Variants in MYH14 observed in about 807,000 individuals in gnomAD.
The protein encoded by MYH14 is myosin-14.
Under a neutral mutation model 255.5 loss-of-function variants are expected in MYH14, and 123 were observed. That is an observed-to-expected ratio of 0.48 (90% confidence interval 0.42 to 0.56). The LOEUF is 0.56. Ranked by LOEUF, MYH14 falls within the 20% of genes least tolerant of loss-of-function variation. The pLI is 0.00. For synonymous variants in MYH14, 1,095 were observed against 1,161.2 expected, an observed-to-expected ratio of 0.94 and a Z score of 1.16; for missense variants, 2,423 against 2,802.3, an observed-to-expected ratio of 0.86 and a Z score of 3.06.
chr19:50,302,879 C>T (rs1246532048), intron 40 of MYH14, among the ~76,000 whole-genome samples: 1 of 149,926 alleles, frequency 6.7e-6, no homozygotes, highest in Admixed American at 6.7e-5. Context: ...TCCAGCTTAG[C>T]AACAAGAGTG....
intron 27 of MYH14, among the ~76,000 whole-genome samples, chr19:50,275,593 G>T (rs888755159): frequency 6.6e-6 from 1 of 152,194 alleles, no homozygotes; most frequent in African/African-American, 2.4e-5. Flanking sequence ...TTGTAAGGCC[G>T]AGGTGGGAGG....
chr19:50,276,669 C>T lies in MYH14; in HGVS notation c.3681-88C>T. ...ATGAGGCCCTCATATTTTAAGGAAA[C>T]ATGAAAAGGAGAAACAACCAGCTCC... On this transcript the variant is annotated intron_variant, in intron 28 of 42. Coordinates refer to ENST00000642316, the MANE Select transcript of MYH14 (RefSeq NM_001145809.2). This position sits in a 1 kb window ranked among gnomAD's most constrained non-coding sequence, Gnocchi z 4.3. 1 of 1,545,178 alleles carries T rather than the reference C, an allele frequency of 6.5e-7. No homozygotes were observed. Among genetic ancestry groups the T allele is most frequent in the Non-Finnish European group, 8.9e-7 (1 of 1,121,488 alleles).
chr19:50,247,724 T>G (rs1178611101), intron 12 of MYH14, among the ~76,000 whole-genome samples: 2 of 150,900 alleles, frequency 1.3e-5, no homozygotes, highest in African/African-American at 2.4e-5. Context: ...GAACCGCAAG[T>G]GTAAAGGCCC....
chr19:50,298,493 C>T (rs993267883), intron 39 of MYH14, among the ~76,000 whole-genome samples: 2 of 151,942 alleles, frequency 1.3e-5, no homozygotes, highest in Non-Finnish European at 2.9e-5. Flanking sequence ...AGGCCAAGCG[C>T]GGTGGCTCAC....
Position 50,223,292 on chromosome 19 carries a change from C to T in MYH14, c.636C>T (p.Ile212=), listed in dbSNP as rs756798429. 9 of 1,607,302 alleles carry T rather than the reference C, an allele frequency of 5.6e-6. No homozygotes were observed. In the Admixed American group the frequency reaches 1.4e-4, roughly 24 times the overall value. The change falls in exon 5 of 43, where the codon ATC becomes ATT. Residue 212 remains isoleucine (I), a synonymous_variant. Transcript: ENST00000642316. ...AGKTENTKKV[I]QYLAHVASSP... ...AGACGGAAAACACCAAGAAGGTCAT[C>T]CAGTACCTCGCCCACGTGGCGTCGT...
chr19:50,249,263 CCCCCCTCTCTCTGGTCTCTGT>C (rs1284130407), intron 13 of MYH14, 124 bp downstream of exon 13: 232 of 1,165,822 alleles, frequency 2.0e-4, no homozygotes, highest in Middle Eastern at 4.0e-4. Flanking sequence ...AGTCTCTGTT[CCCCCCTCTCTCTGGTCTCTGT>C]CCCCCTCTCT....
At chr19:50,224,385 A>C (rs138153369) in intron 6 of MYH14, among the ~76,000 whole-genome samples, 1 of 152,126 alleles carries the variant, frequency 6.6e-6, no homozygotes, top group Admixed American at 6.6e-5. Context: ...AATCCAGAGA[A>C]CAAAACTGCC....
chr19:50,240,354 G>C (rs1568488527), intron 10 of MYH14, among the ~76,000 whole-genome samples: 2 of 152,202 alleles, frequency 1.3e-5, no homozygotes, highest in Admixed American at 1.3e-4. Flanking sequence ...TGAGTTAGGA[G>C]AATCGCTTGA....
chr19:50,225,736 A>C, intron 7 of MYH14, 59 bp downstream of exon 7: 4 of 1,271,112 alleles, frequency 3.1e-6, no homozygotes, highest in Non-Finnish European at 4.4e-6. Flanking sequence ...TGGGAACCTC[A>C]GGGTGGGCTT....
At chr19:50,294,296 C>A (rs1343690266) in intron 39 of MYH14, among the ~76,000 whole-genome samples, 6 of 151,152 alleles carry the variant, frequency 4.0e-5, no homozygotes, top group African/African-American at 1.2e-4. Context: ...AGGATAGAGG[C>A]CATCAGAGAA....
At chr19:50,304,969 GA>G (rs2123487251) in intron 40 of MYH14, among the ~76,000 whole-genome samples, 1 of 152,228 alleles carries the variant, frequency 6.6e-6, no homozygotes, top group East Asian at 1.9e-4. Context: ...TTGGTTCTGA[GA>G]GTCTGGGACC....
rs1213625143 is a variant in MYH14 at position 50,252,563 on chromosome 19, C to A, written c.1831-76C>A. On this transcript the variant is annotated intron_variant, in intron 15 of 42. Coordinates refer to ENST00000642316, the MANE Select transcript of MYH14 (RefSeq NM_001145809.2). This position sits in a 1 kb window ranked among gnomAD's most constrained non-coding sequence, Gnocchi z 4.2. ...TCCAGACCTGGGAGTCTCAGAGCTT[C>A]TGGAAGGCTCCTTAGGAAATCCAGA... 2 of 1,036,242 alleles carry A rather than the reference C, an allele frequency of 1.9e-6. No homozygotes were observed. The highest frequency in any genetic ancestry group is 5.2e-5 in the East Asian group (2 of 38,528). The allele number at this position is 1,036,242 out of a possible 1,614,324, so 64.2% of individuals were successfully genotyped here.
chr19:50,301,544 T>A, intron 39 of MYH14, 117 bp from the exon 40 acceptor site: 1 of 694,126 alleles, frequency 1.4e-6, no homozygotes, highest in Non-Finnish European at 2.5e-6. Flanking sequence ...TGTTTCAGGC[T>A]CTGTGCTATG....
intron 2 of MYH14, among the ~76,000 whole-genome samples, chr19:50,215,180 G>A (rs1165547220): frequency 2.6e-5 from 4 of 152,202 alleles, no homozygotes; most frequent in East Asian, 1.9e-4. Context: ...CCAGGGTGTC[G>A]CCCTGGAAAC....
chr19:50,238,376 G>T (rs1479220406), intron 10 of MYH14, among the ~76,000 whole-genome samples: 2 of 152,248 alleles, frequency 1.3e-5, no homozygotes, highest in Non-Finnish European at 2.9e-5. Context: ...GTTAAGGAAT[G>T]ATCATTAAGT....
chr19:50,270,361 A>G (rs1199503708), intron 24 of MYH14, among the ~76,000 whole-genome samples: 1 of 152,076 alleles, frequency 6.6e-6, no homozygotes, highest in Non-Finnish European at 1.5e-5. Flanking sequence ...TCTACTAAAA[A>G]TACAAAAAAT....
intron 15 of MYH14, among the ~76,000 whole-genome samples, chr19:50,251,867 C>T (rs949318471): frequency 2.0e-5 from 3 of 152,268 alleles, no homozygotes; most frequent in African/African-American, 7.2e-5. Context: ...TGTGAGCCAC[C>T]GCGCCCAGCC....
At chr19:50,279,462 C>G (rs185912184) in intron 30 of MYH14, among the ~76,000 whole-genome samples, 1 of 152,028 alleles carries the variant, frequency 6.6e-6, no homozygotes, top group East Asian at 1.9e-4. Context: ...GGTGAAACTT[C>G]GTCTCTACTA....
chr19:50,229,293 G>A (rs1473268575), intron 8 of MYH14, among the ~76,000 whole-genome samples: 1 of 152,142 alleles, frequency 6.6e-6, no homozygotes, highest in African/African-American at 2.4e-5. Flanking sequence ...GAGTGTGGTG[G>A]TGCATGAGGG....
Sources: gnomAD v4.1 joint callset for allele counts (sites outside exome capture counted in the v4.1 genomes callset) on GRCh38, gnomAD v4.1.1 for gene constraint, Gnocchi (gnomAD v3.1) non-coding constraint, MANE v1.5 for transcripts, NCBI Gene and HGNC (gene_info 2026-07-23, HGNC 2026-07-21) for gene names.